Variants in NTRK3 observed in about 807,000 individuals in gnomAD.
The protein encoded by NTRK3 is neurotrophic receptor tyrosine kinase 3.
Under a neutral mutation model 91.7 loss-of-function variants are expected in NTRK3, and 24 were observed. That is an observed-to-expected ratio of 0.26 (90% CI 0.19 to 0.37). The LOEUF (loss-of-function observed/expected upper bound fraction) is 0.37, where lower values mean the gene tolerates loss of function less well. Among genes scored for constraint, NTRK3 ranks in the 10% least tolerant of loss-of-function variants. The pLI is 1.00. For missense variants in NTRK3, 880 were observed against 1,068.9 expected (o/e 0.82, Z 2.46); for synonymous variants, 483 against 404.0 (o/e 1.20, Z -2.34).
At chr15:87,895,909 G>T (rs2066094767) in intron 17 of NTRK3, among the ~76,000 whole-genome samples, 1 of 151,448 alleles carries the variant, frequency 6.6e-6, no homozygotes, top group African/African-American at 2.4e-5. Flanking sequence ...CAGATCTTCA[G>T]ATAAATTCAA....
At chr15:88,108,707 A>C (rs2050982827) in intron 13 of NTRK3, among the ~76,000 whole-genome samples, 1 of 152,368 alleles carries the variant, frequency 6.6e-6, no homozygotes, top group East Asian at 1.9e-4. Context: ...TAAAAATTGC[A>C]GGGGCCAAAA....
Position 88,179,618 on chromosome 15 carries a change from C to T in NTRK3, c.395+3800G>A, listed in dbSNP as rs1167459964. On this transcript the variant is annotated intron_variant, in intron 5 of 18. Transcript: ENST00000394480. ...CTGTGGCGATCCAGTCTGTGTGAGC[C>T]ATGCCAGAGAAAACACACCCCATAA... is the stretch of plus-strand genomic sequence containing the variant. Among the ~76,000 whole-genome samples, 11 of 152,148 alleles carry T rather than the reference C, an allele frequency of 7.2e-5. 1 individual carries two copies. Among genetic ancestry groups the T allele is most frequent in the Admixed American group, 7.2e-4 (11 of 15,274 alleles).
chr15:88,199,399 C>T (rs191955656), intron 3 of NTRK3, among the ~76,000 whole-genome samples: 55 of 152,284 alleles, frequency 3.6e-4, no homozygotes, highest in African/African-American at 1.2e-3. Context: ...ATCTCTGCAT[C>T]CCTGGTGCCA....
At chr15:88,153,788 G>A (rs1009333158) in intron 5 of NTRK3, among the ~76,000 whole-genome samples, 17 of 151,930 alleles carry the variant, frequency 1.1e-4, no homozygotes, top group East Asian at 7.8e-4. Context: ...GCTAGCTCTC[G>A]GGGGCCTCTT....
At chr15:88,252,904 G>C (rs1242727848) in intron 3 of NTRK3, 1 of 152,258 alleles carries the variant, frequency 6.6e-6, no homozygotes, top group African/African-American at 2.4e-5. Flanking sequence ...ATGGGGAGAT[G>C]GCCTCCCCCA....
chr15:88,034,279 C>G lies in NTRK3; in HGVS notation c.1397-1234G>C, dbSNP rs546043144. 1.3e-4 allele frequency among the ~76,000 whole-genome samples: 20 copies of G among 152,316 alleles called. No individual in the cohort carries two copies. In the South Asian group the frequency reaches 3.7e-3, roughly 28 times the overall value. ...CCACTCTTGAAATATCACATTGACC[C>G]AATGGCTTCAAAGAACATCATTTGT... On this transcript the variant is annotated intron_variant, in intron 13 of 18. Coordinates refer to ENST00000394480, the Ensembl canonical transcript of NTRK3.
intron 5 of NTRK3, among the ~76,000 whole-genome samples, chr15:88,162,532 G>A (rs959769547): frequency 2.6e-5 from 4 of 152,188 alleles, no homozygotes; most frequent in Non-Finnish European, 5.9e-5. Flanking sequence ...GGAGCATGGA[G>A]GGAACCATCA....
chr15:88,129,323 G>A (rs1021500533), intron 10 of NTRK3, among the ~76,000 whole-genome samples: 15 of 152,194 alleles, frequency 9.9e-5, no homozygotes, highest in Non-Finnish European at 1.6e-4. Flanking sequence ...GATTATAAGC[G>A]AGGGATGGTG....
intron 16 of NTRK3, among the ~76,000 whole-genome samples, chr15:87,930,281 T>C (rs973743040): frequency 3.3e-5 from 5 of 152,134 alleles, no homozygotes; most frequent in African/African-American, 1.2e-4. Flanking sequence ...CCTGATCATA[T>C]CAGTCACTTT....
At chr15:88,215,263 T>C (rs1467143053) in intron 3 of NTRK3, among the ~76,000 whole-genome samples, 1 of 152,206 alleles carries the variant, frequency 6.6e-6, no homozygotes, top group Non-Finnish European at 1.5e-5. Flanking sequence ...AAACGGAGCA[T>C]CACGCTTGGG....
intron 5 of NTRK3, among the ~76,000 whole-genome samples, chr15:88,159,732 T>C (rs2044257110): frequency 6.6e-6 from 1 of 152,074 alleles, no homozygotes; most frequent in South Asian, 2.1e-4. Context: ...AATGCCATTG[T>C]TAATAACCAC....
At chr15:88,170,498 C>T (rs1038226182) in intron 5 of NTRK3, among the ~76,000 whole-genome samples, 7 of 152,228 alleles carry the variant, frequency 4.6e-5, no homozygotes, top group Non-Finnish European at 1.5e-5. Context: ...CCTTTCTCAA[C>T]ATTGTTCACT....
intron 14 of NTRK3, among the ~76,000 whole-genome samples, chr15:87,945,828 A>C (rs1271781877): frequency 1.3e-5 from 2 of 149,620 alleles, no homozygotes; most frequent in Non-Finnish European, 1.5e-5. Context: ...AAAAAAAAAA[A>C]ACAGATCTCT....
At chr15:87,927,240 T>C (rs1220306175) in intron 17 of NTRK3, 2 of 152,258 alleles carry the variant, frequency 1.3e-5, no homozygotes, top group Non-Finnish European at 2.9e-5. Flanking sequence ...CGGTACATCA[T>C]CTGCCATTCT....
exon 19 of NTRK3, chr15:87,872,716 G>T: frequency 4.3e-6 from 1 of 232,744 alleles, no homozygotes; most frequent in African/African-American, 2.2e-5. Flanking sequence ...CAGTCACCAG[G>T]CCTTCTTTCA....
intron 5 of NTRK3, among the ~76,000 whole-genome samples, chr15:88,158,184 T>G (rs1227650195): frequency 1.3e-5 from 2 of 152,202 alleles, no homozygotes; most frequent in Non-Finnish European, 2.9e-5. Flanking sequence ...GCTGACACAG[T>G]GCCTCATCCT....
At chr15:88,149,800 T>C (rs2043208381) in intron 5 of NTRK3, among the ~76,000 whole-genome samples, 1 of 152,242 alleles carries the variant, frequency 6.6e-6, no homozygotes, top group Non-Finnish European at 1.5e-5. Flanking sequence ...ACAACAGGAT[T>C]TGGTACTGCT....
At chr15:88,220,455 A>G (rs554886745) in intron 3 of NTRK3, among the ~76,000 whole-genome samples, 1 of 152,326 alleles carries the variant, frequency 6.6e-6, no homozygotes, top group Non-Finnish European at 1.5e-5. Context: ...GGGAGTTCAA[A>G]TCTAGGCTCT....
At chr15:88,180,216 A>G (rs1371935845) in intron 5 of NTRK3, among the ~76,000 whole-genome samples, 1 of 152,320 alleles carries the variant, frequency 6.6e-6, no homozygotes, top group East Asian at 1.9e-4. Context: ...GCATACAGCT[A>G]TTGCAATTAT....
Sources: allele counts gnomAD v4.1 joint callset (sites outside exome capture counted in the v4.1 genomes callset), GRCh38; gene constraint gnomAD v4.1.1; transcripts MANE v1.5; gene names NCBI Gene and HGNC (gene_info 2026-07-23, HGNC 2026-07-21).